Variants in PCDHGA5 observed in about 807,000 individuals in gnomAD.
PCDHGA5 encodes protocadherin gamma subfamily A, 5.
In PCDHGA5, 36 loss-of-function variants were observed where a neutral mutation model predicts 56.7. The ratio of observed to expected loss-of-function variants is 0.64; its 90% CI spans 0.49 to 0.84. The LOEUF is 0.84. Ranked by LOEUF, PCDHGA5 falls within the 40% of genes least tolerant of loss-of-function variation. The probability of loss-of-function intolerance (pLI) is 0.00; values close to 1 mark genes in which losing one functional copy is unlikely to be tolerated. For synonymous variants in PCDHGA5, 563 were observed against 520.2 expected, an observed-to-expected ratio of 1.08 and a Z score of -1.12; for missense variants, 1,305 against 1,201.5, an observed-to-expected ratio of 1.09 and a Z score of -1.27.
chr5:141,365,318 A>G lies in PCDHGA5; in HGVS notation c.988A>G (p.Ser330Gly), dbSNP rs1588611764. The G allele has an allele frequency of 1.2e-6, 2 of 1,613,922 alleles. No homozygotes were observed. Among genetic ancestry groups the G allele is most frequent in the East Asian group, 2.2e-5 (1 of 44,876 alleles). Residue 330 changes from serine (S) to glycine (G), a missense_variant, in exon 1 of 4, where the codon AGC becomes GGC. Coordinates refer to ENST00000518069, the MANE Select transcript of PCDHGA5 (RefSeq NM_018918.3). ...VAQDGGALVA[S>G]AKVVVTVQDV... The stretch of plus-strand genomic sequence containing the variant: ...TCAGGATGGAGGCGCTCTTGTTGCC[A>G]GCGCTAAGGTGGTGGTCACAGTACA...
chr5:141,425,555 A>C (rs1282440598), intron 1 of PCDHGA5, among the ~76,000 whole-genome samples: 2 of 152,388 alleles, frequency 1.3e-5, no homozygotes, highest in Middle Eastern at 6.8e-3. Context: ...AACCTCTTTT[A>C]TAAGTGATAA....
chr5:141,419,763 A>T, intron 1 of PCDHGA5: 1 of 1,614,014 alleles, frequency 6.2e-7, no homozygotes, highest in South Asian at 1.1e-5. Flanking sequence ...TTGGGTGACA[A>T]GGACTCGGTC....
chr5:141,418,153 G>A (rs1561771797), intron 1 of PCDHGA5: 2 of 1,614,086 alleles, frequency 1.2e-6, no homozygotes, highest in East Asian at 2.2e-5. Context: ...TATGCAAAGA[G>A]AGAAGAAGAT....
At chr5:141,414,733 G>A (rs768741206) in intron 1 of PCDHGA5, 2 of 1,614,174 alleles carry the variant, frequency 1.2e-6, no homozygotes. Flanking sequence ...CGTCCTGTAT[G>A]CACTCAGATC....
At position 141,491,578 on chromosome 5, in the gene PCDHGA5, C is replaced by T. The variant is rs1438933474; in HGVS notation, c.2422-3229C>T. 7.4e-6 allele frequency: 12 copies of T among 1,613,888 alleles called. No homozygotes were observed. The highest frequency in any genetic ancestry group is 1.0e-5 in the Non-Finnish European group (12 of 1,180,044). On this transcript the variant is annotated intron_variant, in intron 1 of 3. Coordinates refer to ENST00000518069, the MANE Select transcript of PCDHGA5 (RefSeq NM_018918.3). This position sits in a 1 kb window ranked among gnomAD's most constrained non-coding sequence, Gnocchi z 6.9. ...CCACTGCTACAGGACGTGCTTTTCA[C>T]CGGCCTCGGACGGCAGTGACTTCAC...
chr5:141,484,242 A>G (rs995022030), intron 1 of PCDHGA5, among the ~76,000 whole-genome samples: 1 of 152,216 alleles, frequency 6.6e-6, no homozygotes, highest in African/African-American at 2.4e-5. Flanking sequence ...TCTGGTCCTT[A>G]GCACCTCCCA....
At chr5:141,398,612 T>G in intron 1 of PCDHGA5, 1 of 1,614,024 alleles carries the variant, frequency 6.2e-7, no homozygotes, top group Non-Finnish European at 8.5e-7. Flanking sequence ...GATGCAGATA[T>G]TGGCTTAAAC....
At chr5:141,460,616 T>C (rs905095529) in intron 1 of PCDHGA5, among the ~76,000 whole-genome samples, 8 of 152,114 alleles carry the variant, frequency 5.3e-5, no homozygotes, top group Non-Finnish European at 7.4e-5. Context: ...GATGGATAGA[T>C]AGACAGATAC....
At chr5:141,483,972 A>G in intron 1 of PCDHGA5, among the ~76,000 whole-genome samples, 1 of 83,960 alleles carries the variant, frequency 1.2e-5, no homozygotes, top group Admixed American at 1.8e-4. Context: ...TGCTTGTGCA[A>G]GGGAGTAGCT....
Position 141,510,999 on chromosome 5 carries a change from G to C in PCDHGA5, c.2622G>C (p.Leu874Phe). Residue 874 changes from leucine (L) to phenylalanine (F), a missense_variant, in exon 4 of 4, where the codon TTG (leucine) becomes TTC (phenylalanine). Coordinates refer to ENST00000518069, the MANE Select transcript of PCDHGA5 (RefSeq NM_018918.3). ...GAGGGGGTGCCGGCACCATGGGATT[G>C]AGCGCCCGCTACGGACCCCAGTTCA... ...TLGGGAGTMG[L>F]SARYGPQFTL... 6.2e-7 allele frequency: 1 copy of C among 1,614,144 alleles called. No homozygotes were observed. Among genetic ancestry groups the C allele is most frequent in the Non-Finnish European group, 8.5e-7 (1 of 1,180,008 alleles).
chr5:141,430,910 G>C, intron 1 of PCDHGA5: 2 of 1,608,040 alleles, frequency 1.2e-6, no homozygotes, highest in South Asian at 1.1e-5. Context: ...CATCTCCAGG[G>C]ACCTGGGGCT....
At chr5:141,378,264 C>T (rs1167989776) in intron 1 of PCDHGA5, 2 of 152,212 alleles carry the variant, frequency 1.3e-5, no homozygotes, top group Non-Finnish European at 1.5e-5. Flanking sequence ...GTGGCTCATG[C>T]CTGTAATCCC....
chr5:141,385,150 C>A (rs1780929292), intron 1 of PCDHGA5: 1 of 1,614,104 alleles, frequency 6.2e-7, no homozygotes, highest in South Asian at 1.1e-5. Flanking sequence ...GGCTTTCCTG[C>A]AGACCTATTC....
At chr5:141,423,384 C>G (rs1196881147) in intron 1 of PCDHGA5, 1 of 1,614,054 alleles carries the variant, frequency 6.2e-7, no homozygotes, top group Non-Finnish European at 8.5e-7. Context: ...GGCTGTGGCG[C>G]TGGCATAAGT....
chr5:141,490,111 A>G lies in PCDHGA5; in HGVS notation c.2422-4696A>G. 6.2e-7 allele frequency: 1 copy of G among 1,614,244 alleles called. No individual in the cohort carries two copies. The highest frequency in any genetic ancestry group is 8.5e-7 in the Non-Finnish European group (1 of 1,180,042). On this transcript the variant is annotated intron_variant, in intron 1 of 3. Coordinates refer to ENST00000518069, the MANE Select transcript of PCDHGA5 (RefSeq NM_018918.3). The surrounding 1 kb of genome is among the most constrained non-coding windows in gnomAD (Gnocchi z 5.4). ...AGACCACACATCTGAGGCAGTGCGGAACCTCTTTGGCCTAGACCCTAGCAG... is the reference window on the plus strand; with the variant it reads ...AGACCACACATCTGAGGCAGTGCGGGACCTCTTTGGCCTAGACCCTAGCAG...
chr5:141,451,716 T>C (rs947058540), intron 1 of PCDHGA5, among the ~76,000 whole-genome samples: 1 of 152,092 alleles, frequency 6.6e-6, no homozygotes, highest in Non-Finnish European at 1.5e-5. Context: ...ACCCTGCCTC[T>C]ACTAAAAATA....
intron 1 of PCDHGA5, chr5:141,396,003 T>G (rs749303972): frequency 2.0e-5 from 3 of 152,232 alleles, no homozygotes; most frequent in Admixed American, 6.5e-5. Flanking sequence ...TTTAAACTGT[T>G]GAAAGTGACT....
At chr5:141,461,354 C>T (rs1189322704) in intron 1 of PCDHGA5, among the ~76,000 whole-genome samples, 2 of 152,054 alleles carry the variant, frequency 1.3e-5, no homozygotes, top group Non-Finnish European at 2.9e-5. Context: ...GGTGGTAGCT[C>T]GTTGTGGTTT....
intron 1 of PCDHGA5, chr5:141,426,693 A>C (rs62378458): frequency 0.034 from 14,964 of 435,892 alleles, 320 homozygotes; most frequent in Middle Eastern, 0.11. Flanking sequence ...CCAAAATAGC[A>C]TTGTTTTACA....
Sources: gnomAD v4.1 joint callset for allele counts (sites outside exome capture counted in the v4.1 genomes callset) on GRCh38, gnomAD v4.1.1 for gene constraint, Gnocchi (gnomAD v3.1) non-coding constraint, MANE v1.5 for transcripts, NCBI Gene and HGNC (gene_info 2026-07-23, HGNC 2026-07-21) for gene names.